Variants in ITGA9 observed in about 807,000 individuals in gnomAD.
ITGA9 encodes the protein integrin subunit alpha 9.
Under a neutral mutation model 127.8 loss-of-function variants are expected in ITGA9, and 56 were observed. The ratio of observed to expected loss-of-function variants is 0.44; its 90% CI spans 0.35 to 0.55. The LOEUF (loss-of-function observed/expected upper bound fraction) is 0.55, where lower values mean the gene tolerates loss of function less well. Ranked by LOEUF, ITGA9 falls within the 20% of genes least tolerant of loss-of-function variation. The probability of loss-of-function intolerance (pLI) is 0.00; values close to 1 mark genes in which losing one functional copy is unlikely to be tolerated. For synonymous variants in ITGA9, 508 were observed against 514.5 expected (o/e 0.99, Z 0.17); for missense variants, 1,196 against 1,347.1 (o/e 0.89, Z 1.76).
At position 37,818,768 on chromosome 3, in the gene ITGA9, C is replaced by A. The variant is rs981548236; in HGVS notation, c.3010-123C>A. ...CAGTGTTTTCTCTAATCCGAGGGGT[C>A]CTCCAAGCCTCCCCAGCCCTGTGAG... On this transcript the variant is annotated intron_variant, in intron 27 of 27. Transcript: ENST00000264741. 3 of 739,096 alleles carry A rather than the reference C, an allele frequency of 4.1e-6. No individual in the cohort carries two copies. The African/African-American group carries it at 5.2e-5, about 13-fold the overall frequency. 45.8% of individuals were successfully genotyped at this position (739,096 alleles called of 1,614,324 possible).
chr3:37,705,437 A>G (rs1426442976), intron 18 of ITGA9, among the ~76,000 whole-genome samples: 1 of 152,230 alleles, frequency 6.6e-6, no homozygotes, highest in Admixed American at 6.5e-5. Flanking sequence ...GGGAAAGGAA[A>G]TGGTCTGTTG....
intron 18 of ITGA9, among the ~76,000 whole-genome samples, chr3:37,714,768 G>A (rs1392878032): frequency 6.6e-6 from 1 of 152,208 alleles, no homozygotes; most frequent in Non-Finnish European, 1.5e-5. Flanking sequence ...GTTTTAGCAA[G>A]CCTCCATGAC....
intron 16 of ITGA9, among the ~76,000 whole-genome samples, chr3:37,641,469 C>T (rs1041592199): frequency 3.9e-5 from 6 of 152,018 alleles, no homozygotes; most frequent in South Asian, 4.2e-4. Context: ...GTTAGTCTGT[C>T]GCAGAGGGAG....
chr3:37,512,008 CT>C (rs1305146577), intron 8 of ITGA9, among the ~76,000 whole-genome samples: 799 of 32,640 alleles, frequency 0.024, 28 homozygotes, highest in Middle Eastern at 0.031. Context: ...CTTTTCTTTT[CT>C]TTTCTTTTCT....
intron 18 of ITGA9, among the ~76,000 whole-genome samples, chr3:37,731,595 A>G (rs1295505201): frequency 6.6e-6 from 1 of 152,200 alleles, no homozygotes; most frequent in Non-Finnish European, 1.5e-5. Flanking sequence ...GATGTTTAAC[A>G]AACAAACAAA....
At chr3:37,626,760 G>A (rs1700179946) in intron 15 of ITGA9, among the ~76,000 whole-genome samples, 1 of 152,148 alleles carries the variant, frequency 6.6e-6, no homozygotes, top group Non-Finnish European at 1.5e-5. Flanking sequence ...GAAGAGCTTG[G>A]CCCAGTCTCT....
At chr3:37,651,406 C>T (rs1441505922) in intron 16 of ITGA9, among the ~76,000 whole-genome samples, 1 of 152,192 alleles carries the variant, frequency 6.6e-6, no homozygotes, top group African/African-American at 2.4e-5. Context: ...GGTATTGGCT[C>T]TAAGCTGGGG....
chr3:37,768,736 C>A (rs992640531), intron 23 of ITGA9, among the ~76,000 whole-genome samples: 1 of 151,388 alleles, frequency 6.6e-6, no homozygotes, highest in Non-Finnish European at 1.5e-5. Context: ...ACCTAGGTCC[C>A]TTTTAACCCA....
chr3:37,563,805 C>A (rs1575151212), intron 15 of ITGA9, among the ~76,000 whole-genome samples: 1 of 152,198 alleles, frequency 6.6e-6, no homozygotes, highest in African/African-American at 2.4e-5. Flanking sequence ...GTTTCTCATA[C>A]CTTTTTATTT....
At chr3:37,557,455 C>G (rs987121716) in intron 15 of ITGA9, among the ~76,000 whole-genome samples, 3 of 152,164 alleles carry the variant, frequency 2.0e-5, no homozygotes, top group Non-Finnish European at 2.9e-5. Flanking sequence ...TTCGAAGCAG[C>G]CATCCATAGG....
intron 26 of ITGA9, among the ~76,000 whole-genome samples, chr3:37,803,179 C>T (rs1339029357): frequency 2.0e-5 from 3 of 152,180 alleles, no homozygotes; most frequent in Admixed American, 2.0e-4. Flanking sequence ...AAAGCTGAAA[C>T]AAAAGGTACA....
intron 18 of ITGA9, among the ~76,000 whole-genome samples, chr3:37,730,215 T>C (rs1296296114): frequency 6.6e-6 from 1 of 152,146 alleles, no homozygotes; most frequent in Non-Finnish European, 1.5e-5. Context: ...TTGAGACTAA[T>C]TATACCAGAA....
intron 14 of ITGA9, among the ~76,000 whole-genome samples, chr3:37,539,306 C>A (rs955490601): frequency 1.3e-5 from 2 of 152,166 alleles, no homozygotes; most frequent in Non-Finnish European, 2.9e-5. Context: ...CACAAATGAT[C>A]CCAAGAGGTA....
At chr3:37,656,764 G>T (rs1700481259) in intron 17 of ITGA9, among the ~76,000 whole-genome samples, 1 of 152,058 alleles carries the variant, frequency 6.6e-6, no homozygotes, top group Non-Finnish European at 1.5e-5. Context: ...TCCTTGTCTT[G>T]TGCCAGTTTT....
chr3:37,540,051 T>C (rs1379314582), intron 14 of ITGA9, among the ~76,000 whole-genome samples: 1 of 152,162 alleles, frequency 6.6e-6, no homozygotes, highest in Non-Finnish European at 1.5e-5. Context: ...AGAGAAATGG[T>C]AAAAGCCAAG....
At chr3:37,792,385 G>C (rs920229293) in intron 26 of ITGA9, among the ~76,000 whole-genome samples, 2 of 152,192 alleles carry the variant, frequency 1.3e-5, no homozygotes, top group Non-Finnish European at 2.9e-5. Context: ...TCCAGTTGAG[G>C]TTAGTCCCCA....
intron 18 of ITGA9, among the ~76,000 whole-genome samples, chr3:37,688,850 A>G (rs541759330): frequency 2.0e-5 from 3 of 152,034 alleles, no homozygotes; most frequent in African/African-American, 4.8e-5. Context: ...ATGGTTAGAT[A>G]GGTAGGTAGG....
intron 15 of ITGA9, among the ~76,000 whole-genome samples, chr3:37,628,897 G>C (rs1700202026): frequency 6.6e-6 from 1 of 152,198 alleles, no homozygotes; most frequent in African/African-American, 2.4e-5. Context: ...ATATTTGGAG[G>C]ATGAGTAAAG....
At chr3:37,601,247 C>G (rs1457803429) in intron 15 of ITGA9, among the ~76,000 whole-genome samples, 1 of 152,226 alleles carries the variant, frequency 6.6e-6, no homozygotes, top group Non-Finnish European at 1.5e-5. Flanking sequence ...ATTTCTCCCT[C>G]CGTGACATCT....
Sources: allele counts gnomAD v4.1 joint callset (sites outside exome capture counted in the v4.1 genomes callset), GRCh38; gene constraint gnomAD v4.1.1; transcripts MANE v1.5; gene names NCBI Gene and HGNC (gene_info 2026-07-23, HGNC 2026-07-21).